Variants in ERAP1 observed in about 807,000 individuals in gnomAD.
ERAP1 encodes the protein endoplasmic reticulum aminopeptidase 1, also known as adipocyte-derived leucine aminopeptidase.
In ERAP1, 86 loss-of-function variants were observed where a neutral mutation model predicts 103.7. The observed-to-expected ratio is 0.83, with a 90% CI of 0.70 to 0.99. The LOEUF is 0.99. ERAP1 is among the 50% of genes least tolerant of loss of function. ERAP1 has a pLI of 0.00. For missense variants in ERAP1, 1,009 were observed against 1,128.4 expected (o/e 0.89, Z 1.52); for synonymous variants, 398 against 402.4 (o/e 0.99, Z 0.13).
At chr5:96,931,920 G>A in the ERAP1 span, among the ~76,000 whole-genome samples, 119 of 152,320 alleles carry the variant, frequency 7.8e-4, 2 homozygotes, top group Middle Eastern at 6.8e-3. Flanking sequence ...TATATGAAAT[G>A]ATAAATGTCT....
At position 96,775,469 on chromosome 5, in the gene ERAP1, C is replaced by T; in HGVS notation, c.*927G>A. On this transcript the variant is annotated 3_prime_UTR_variant, in exon 19 of 19. Coordinates refer to ENST00000443439, the MANE Select transcript of ERAP1 (RefSeq NM_001040458.3). ...TCACCTCCCTAAGAAAAGGGTTTTC[C>T]TACAGACTTGAATGCACTCTGCTTT... is the stretch of plus-strand genomic sequence containing the variant. 6 of 985,534 alleles carry T rather than the reference C, an allele frequency of 6.1e-6. No homozygotes were observed. The highest frequency in any genetic ancestry group is 7.2e-6 in the Non-Finnish European group (6 of 829,914). The allele number at this position is 985,534 out of a possible 1,614,324, so 61.0% of individuals were successfully genotyped here.
rs753302931 is a variant in ERAP1, at chr5:96,792,161, G to A, written c.1220C>T (p.Ala407Val). The A allele has an allele frequency of 1.9e-6, 3 of 1,613,698 alleles. No homozygotes were observed. The South Asian group carries it at 3.3e-5, about 18-fold the overall frequency. ...GDYFFGKCFD[A>V]MEVDALNSSH... ...GGAATTTAAAGCATCTACCTCCATT[G>A]CGTCAAAACATTTGCCAAAGAAATA... The change falls in exon 8 of 19, where the codon GCA becomes GTA. Residue 407 changes from alanine (A) to valine (V), a missense_variant. By Grantham distance (64) the Ala-to-Val change is moderately conservative (BLOSUM62 0). Coordinates refer to ENST00000443439, the MANE Select transcript of ERAP1 (RefSeq NM_001040458.3).
chr5:96,780,268 T>G (rs560718047), intron 18 of ERAP1, among the ~76,000 whole-genome samples, 155 bp downstream of exon 18: 19 of 152,374 alleles, frequency 1.2e-4, no homozygotes, highest in Non-Finnish European at 2.6e-4. Flanking sequence ...TGCAACTGAT[T>G]TATGCTGCTG....
the ERAP1 span, among the ~76,000 whole-genome samples, chr5:96,907,255 C>T: frequency 6.6e-6 from 1 of 152,024 alleles, no homozygotes; most frequent in African/African-American, 2.4e-5. Flanking sequence ...GTAATGAGGA[C>T]TTAGATTTTT....
At chr5:96,780,924 T>G in intron 17 of ERAP1, 134 bp downstream of exon 17, 2 of 967,150 alleles carry the variant, frequency 2.1e-6, no homozygotes, top group East Asian at 2.6e-5. Context: ...TACAAATATT[T>G]TAGGTATTTC....
At chr5:96,774,482 A>T (rs1294661982), downstream of ERAP1, 1 of 984,648 alleles carries the variant, frequency 1.0e-6, no homozygotes, top group Non-Finnish European at 1.2e-6. Flanking sequence ...GCAAATATCC[A>T]CTTAGAGGCA....
chr5:96,901,740 T>C, the ERAP1 span: 36 of 1,546,924 alleles, frequency 2.3e-5, no homozygotes, highest in Non-Finnish European at 3.1e-5. Flanking sequence ...CGTTATTTCC[T>C]TAGCTTTCTC....
chr5:96,801,912 A>C (rs969247055), intron 2 of ERAP1, among the ~76,000 whole-genome samples: 1 of 151,446 alleles, frequency 6.6e-6, no homozygotes, highest in African/African-American at 2.4e-5. Context: ...TCTCAGGCAA[A>C]GTCAAAGGTC....
chr5:96,762,339 G>A (rs749204791), exon 20 of ERAP1: 37 of 1,604,940 alleles, frequency 2.3e-5, no homozygotes, highest in South Asian at 7.8e-5. Flanking sequence ...CAGCTTCAAC[G>A]ACCCAAGCTG....
the ERAP1 span, among the ~76,000 whole-genome samples, chr5:96,908,431 G>A: frequency 6.6e-6 from 1 of 152,154 alleles, no homozygotes; most frequent in Admixed American, 6.5e-5. Flanking sequence ...GAAAATACTT[G>A]TTTTGTCCTA....
the ERAP1 span, among the ~76,000 whole-genome samples, chr5:96,818,067 A>G: frequency 3.3e-5 from 5 of 152,246 alleles, no homozygotes; most frequent in Admixed American, 1.3e-4. Flanking sequence ...GCCTCAAGTA[A>G]TATTGATTGT....
At chr5:96,892,356 C>A in the ERAP1 span, 1 of 1,614,026 alleles carries the variant, frequency 6.2e-7, no homozygotes, top group Non-Finnish European at 8.5e-7. Context: ...GGCCTCATTA[C>A]ATATAGGGAG....
chr5:96,781,871 ACTCG>A lies in ERAP1; in HGVS notation c.2286-21_2286-18del. On this transcript the variant is annotated intron_variant, in intron 15 of 18. Coordinates refer to ENST00000443439, the MANE Select transcript of ERAP1 (RefSeq NM_001040458.3). The stretch of plus-strand genomic sequence containing the variant: ...ACAGGCAGGCTATAGAAAGGAACAC[ACTCG>A]GTGAGAATCTGAGGTGCAGTAAGTA... 6.2e-7 allele frequency: 1 copy of A among 1,612,912 alleles called. No individual in the cohort carries two copies. Among genetic ancestry groups the A allele is most frequent in the Non-Finnish European group, 8.5e-7 (1 of 1,179,850 alleles).
At chr5:96,880,026 A>G in the ERAP1 span, 3 of 1,614,192 alleles carry the variant, frequency 1.9e-6, no homozygotes, top group African/African-American at 2.7e-5. Context: ...CACAGCAAAG[A>G]TCTTGAAATC....
the ERAP1 span, among the ~76,000 whole-genome samples, chr5:96,933,841 A>G: frequency 6.6e-6 from 1 of 152,232 alleles, no homozygotes; most frequent in South Asian, 2.1e-4. Flanking sequence ...TGCGTGTACT[A>G]TATAATATCT....
At chr5:96,866,777 A>G in the ERAP1 span, among the ~76,000 whole-genome samples, 2 of 152,204 alleles carry the variant, frequency 1.3e-5, no homozygotes, top group Admixed American at 1.3e-4. Context: ...TTGATGTGCT[A>G]TTGACAAACA....
chr5:96,893,521 G>T, the ERAP1 span, among the ~76,000 whole-genome samples: 79,806 of 151,870 alleles, frequency 0.53, 21,055 homozygotes, highest in South Asian at 0.59. Context: ...GTCACCAGGA[G>T]CTCTAAAGCA....
In ERAP1 at chr5:96,776,019, G is replaced by T. The variant is rs1377833648; in HGVS notation, c.*377C>A. On this transcript the variant is annotated 3_prime_UTR_variant, in exon 19 of 19. Coordinates refer to ENST00000443439, the MANE Select transcript of ERAP1 (RefSeq NM_001040458.3). The stretch of plus-strand genomic sequence containing the variant: ...AGATCCAGGTGTTCATTGTTCAGTA[G>T]TCGACTATTCAGAGTCTTTCGAGGA... The T allele has an allele frequency of 8.8e-7, 1 of 1,133,446 alleles. No individual in the cohort carries two copies. The highest frequency in any genetic ancestry group is 1.1e-6 in the Non-Finnish European group (1 of 912,352). The allele number at this position is 1,133,446 out of a possible 1,614,324, so 70.2% of individuals were successfully genotyped here. A position where few individuals can be genotyped will look rare whatever the true frequency, so the allele number is the denominator to read the frequency against.
chr5:96,838,630 A>C, the ERAP1 span, among the ~76,000 whole-genome samples: 1 of 151,536 alleles, frequency 6.6e-6, no homozygotes, highest in Non-Finnish European at 1.5e-5. Flanking sequence ...TTTGTAGATA[A>C]AGTTGCCCAG....
Sources: allele counts gnomAD v4.1 joint callset (sites outside exome capture counted in the v4.1 genomes callset), GRCh38; gene constraint gnomAD v4.1.1; transcripts MANE v1.5; gene names NCBI Gene and HGNC (gene_info 2026-07-23, HGNC 2026-07-21).